DST: variants seen among roughly 807,000 people sequenced by gnomAD.
The protein encoded by DST is bullous pemphigoid antigen.
Under a neutral mutation model 875.2 loss-of-function variants are expected in DST, and 253 were observed. The ratio of observed to expected loss-of-function variants is 0.29; its 90% CI spans 0.26 to 0.32. The LOEUF is 0.32. Among genes scored for constraint, DST ranks in the 10% least tolerant of loss-of-function variants. DST has a pLI of 1.00. For missense variants in DST, 8,287 were observed against 9,111.6 expected, an observed-to-expected ratio of 0.91 and a Z score of 3.68; for synonymous variants, 3,124 against 3,197.1, an observed-to-expected ratio of 0.98 and a Z score of 0.77.
At chr6:56,767,186 T>C (rs1418753134) in intron 4 of DST, among the ~76,000 whole-genome samples, 1 of 152,258 alleles carries the variant, frequency 6.6e-6, no homozygotes, top group African/African-American at 2.4e-5. Flanking sequence ...TACACATTCA[T>C]ACATTTTTTA....
chr6:56,616,910 C>A, intron 36 of DST: 1 of 1,610,242 alleles, frequency 6.2e-7, no homozygotes, highest in Non-Finnish European at 8.5e-7. Flanking sequence ...ATATGTCTGA[C>A]CTGAAATGGG....
chr6:56,723,457 G>A (rs1405091619), intron 5 of DST, among the ~76,000 whole-genome samples: 3 of 152,064 alleles, frequency 2.0e-5, no homozygotes, highest in Admixed American at 2.0e-4. Flanking sequence ...CCAGCTACTC[G>A]GGAGGCTGAG....
rs757664517 is a variant in DST, at chr6:56,619,177, ATC to A, written c.4930-4695_4930-4694del. On this transcript the variant is annotated intron_variant, in intron 36 of 103. Transcript: ENST00000680361. ...TGCTGCGTAGCTGATCTTTAAAACC[ATC>A]TGCCTGAATTTTCAGTGCTTCACAT... The A allele has an allele frequency of 3.7e-6, 6 of 1,614,128 alleles. No homozygotes were observed. The South Asian group carries it at 6.6e-5, about 18-fold the overall frequency.
intron 4 of DST, among the ~76,000 whole-genome samples, chr6:56,766,268 C>G (rs577675736): frequency 1.4e-4 from 21 of 152,244 alleles, no homozygotes; most frequent in African/African-American, 5.1e-4. Context: ...ATAATGTCTC[C>G]CATGTCCATG....
At chr6:56,611,974 T>G (rs2098549587) in intron 37 of DST, among the ~76,000 whole-genome samples, 1 of 152,202 alleles carries the variant, frequency 6.6e-6, no homozygotes. Context: ...TGTGGGACAC[T>G]ACTTCCAAAG....
At chr6:56,908,747 C>A (rs1230255041) in intron 2 of DST, among the ~76,000 whole-genome samples, 3 of 152,246 alleles carry the variant, frequency 2.0e-5, no homozygotes, top group Middle Eastern at 3.4e-3. Flanking sequence ...AAACAGGTTG[C>A]AGCAAAGAAG....
chr6:56,552,484 C>A lies in DST; in HGVS notation c.16308G>T (p.Met5436Ile), dbSNP rs4715630. Residue 5436 changes from methionine (M) to isoleucine (I), a missense_variant, in exon 61 of 104, where the codon ATG (methionine) becomes ATT (isoleucine). Met to Ile is a conservative substitution (Grantham distance 10, BLOSUM62 1). Coordinates refer to ENST00000680361, the MANE Select transcript of DST (RefSeq NM_001374736.1). ...KAFLKKLEAL[M>I]ASNDNANKTC... ...TTTTATTGGCATTGTCATTGCTTGC[C>A]ATGAGGGCTTCTAGTTTCTTTAGAA... 1 of 1,613,732 alleles carries A rather than the reference C, an allele frequency of 6.2e-7. No individual in the cohort carries two copies. The highest frequency in any genetic ancestry group is 8.5e-7 in the Non-Finnish European group (1 of 1,179,802).
At chr6:56,889,652 T>C (rs1786351573) in intron 3 of DST, among the ~76,000 whole-genome samples, 1 of 152,222 alleles carries the variant, frequency 6.6e-6, no homozygotes, top group Non-Finnish European at 1.5e-5. Context: ...CTGGAATCAG[T>C]GAAATGTAAC....
chr6:56,873,130 T>G (rs1187322970), intron 3 of DST, among the ~76,000 whole-genome samples: 1 of 152,214 alleles, frequency 6.6e-6, no homozygotes, highest in South Asian at 2.1e-4. Context: ...CTGTTCGTCA[T>G]TTGTATGTCT....
At chr6:56,646,911 C>T (rs893673437) in intron 13 of DST, among the ~76,000 whole-genome samples, 4 of 152,150 alleles carry the variant, frequency 2.6e-5, no homozygotes, top group African/African-American at 9.7e-5. Flanking sequence ...CATGCAGCTA[C>T]AAAACAAGAC....
At chr6:56,925,989 T>C (rs975967482) in intron 2 of DST, among the ~76,000 whole-genome samples, 1 of 152,212 alleles carries the variant, frequency 6.6e-6, no homozygotes, top group African/African-American at 2.4e-5. Flanking sequence ...ACTGTCTTTC[T>C]GACTTATTCT....
chr6:56,847,042 C>G (rs1259792179), intron 4 of DST, among the ~76,000 whole-genome samples: 1 of 150,100 alleles, frequency 6.7e-6, no homozygotes, highest in Non-Finnish European at 1.5e-5. Context: ...GTTGGCCAGG[C>G]CCTGTGGCTC....
chr6:56,783,497 T>A (rs2099698603), intron 4 of DST, among the ~76,000 whole-genome samples: 1 of 152,196 alleles, frequency 6.6e-6, no homozygotes, highest in South Asian at 2.1e-4. Flanking sequence ...TTTGTCTCTT[T>A]TGATCTTTGT....
chr6:56,629,824 A>C (rs2098763063), intron 31 of DST, among the ~76,000 whole-genome samples: 1 of 152,228 alleles, frequency 6.6e-6, no homozygotes, highest in Non-Finnish European at 1.5e-5. Flanking sequence ...AACTTTTAAA[A>C]ATTGCTTTGC....
rs147317534 is a variant in DST at position 56,555,529 on chromosome 6, G to A, written c.14952C>T (p.Asn4984=). The change falls in exon 60 of 104, where the codon AAC becomes AAT. Residue 4984 remains asparagine, a synonymous_variant. Coordinates refer to ENST00000680361, the MANE Select transcript of DST (RefSeq NM_001374736.1). ...LAVSTHPDAM[N]QQLETAQKMK... ...TTTTTTGGGCTGTTTCCAACTGTTG[G>A]TTCATAGCATCAGGGTGCGTGCTCA... 1.4e-5 allele frequency: 22 copies of A among 1,613,948 alleles called. No individual in the cohort carries two copies. In the East Asian group the frequency reaches 4.5e-4, roughly 33 times the overall value.
rs567263229 is a variant in DST at position 56,767,067 on chromosome 6, G to C, written c.626-31778C>G. 2.0e-5 allele frequency among the ~76,000 whole-genome samples: 3 copies of C among 152,134 alleles called. No homozygotes were observed. The East Asian group carries it at 5.8e-4, about 29-fold the overall frequency. On this transcript the variant is annotated intron_variant, in intron 4 of 103. Coordinates refer to ENST00000680361, the MANE Select transcript of DST (RefSeq NM_001374736.1). ...ATGAATTTTCTAAAAACATTTCTTT[G>C]GCTTGGTTTCAGTTTTCAGTTCATC...
chr6:56,515,286 C>G (rs758617984), intron 72 of DST, among the ~76,000 whole-genome samples, 164 bp downstream of exon 72: 1 of 152,136 alleles, frequency 6.6e-6, no homozygotes, highest in Non-Finnish European at 1.5e-5. Flanking sequence ...CTCACTATAA[C>G]CCTGTATAAG....
chr6:56,767,804 G>T (rs926062593), intron 4 of DST, among the ~76,000 whole-genome samples: 2 of 152,016 alleles, frequency 1.3e-5, no homozygotes, highest in Admixed American at 6.6e-5. Context: ...CCATTGAGAA[G>T]GGGGGCATCT....
chr6:56,463,445 AAG>A (rs2094436386), intron 101 of DST, 118 bp downstream of exon 101: 3 of 968,320 alleles, frequency 3.1e-6, no homozygotes, highest in Non-Finnish European at 4.4e-6. Context: ...ACAGTATGAG[AAG>A]GTGCACAAAT....
Sources: gnomAD v4.1 joint callset for allele counts (sites outside exome capture counted in the v4.1 genomes callset) on GRCh38, gnomAD v4.1.1 for gene constraint, MANE v1.5 for transcripts, NCBI Gene and HGNC (gene_info 2026-07-23, HGNC 2026-07-21) for gene names.